Variants in DNMT3A observed in about 807,000 individuals in gnomAD.
The protein encoded by DNMT3A is DNA (cytosine-5)-methyltransferase 3A.
DNMT3A carries 267 observed loss-of-function variants against 117.6 expected under a neutral mutation model. The ratio of observed to expected loss-of-function variants is 2.27; its 90% CI spans 2.05 to 2.51. DNMT3A has a LOEUF of 2.51. Among genes scored for constraint, DNMT3A ranks in the 30% most tolerant of loss-of-function variants. DNMT3A has a pLI of 0.00. For synonymous variants in DNMT3A, 432 were observed against 474.8 expected (o/e 0.91, Z 1.17); for missense variants, 1,029 against 1,260.2 (o/e 0.82, Z 2.78).
intron 6 of DNMT3A, among the ~76,000 whole-genome samples, chr2:25,269,728 G>A (rs988125705): frequency 6.6e-6 from 1 of 152,164 alleles, no homozygotes; most frequent in African/African-American, 2.4e-5. Flanking sequence ...TGAAGGAACA[G>A]CAACAGGAGA....
At position 25,234,272 on chromosome 2, in the gene DNMT3A, A is replaced by G. The variant is rs1456487505; in HGVS notation, c.*7T>C. The G allele has an allele frequency of 1.9e-6, 3 of 1,607,368 alleles. No homozygotes were observed. Among genetic ancestry groups the G allele is most frequent in the Non-Finnish European group, 2.6e-6 (3 of 1,175,752 alleles). On this transcript the variant is annotated 3_prime_UTR_variant, in exon 23 of 23. Transcript: ENST00000321117. The surrounding 1 kb of genome is among the most constrained non-coding windows in gnomAD (Gnocchi z 4.5). ...TGTGTCGCTACCTCAGTTTGCCCCC[A>G]TGTCCCTTACACACACGCAAAATAC...
rs11681447 is a variant in DNMT3A, at chr2:25,249,915, C to T, written c.640-1663G>A. On this transcript the variant is annotated intron_variant, in intron 6 of 22. Coordinates refer to ENST00000321117, the MANE Select transcript of DNMT3A (RefSeq NM_022552.5). ...CCCCATGGGCCTAGAGCTGCGAATG[C>T]AAACCCATCCTCAAGGGTAAAGAGG... 0.68 allele frequency among the ~76,000 whole-genome samples: 103,083 copies of T among 152,012 alleles called. 35,917 individuals carry two copies. Among genetic ancestry groups the T allele is most frequent in the Non-Finnish European group, 0.75 (51,086 of 67,966 alleles).
In DNMT3A at chr2:25,232,328, C is replaced by T. The variant is rs1323911165; in HGVS notation, c.*1951G>A. ...AGCACCTGCCCGTCGGGCCCTCACC[C>T]TGGAGCCAACAATGCCATCCCTTCC... On this transcript the variant is annotated 3_prime_UTR_variant, in exon 23 of 23. Coordinates refer to ENST00000321117, the MANE Select transcript of DNMT3A (RefSeq NM_022552.5). This position sits in a 1 kb window ranked among gnomAD's most constrained non-coding sequence, Gnocchi z 4.1. 2 of 152,356 alleles carry T rather than the reference C, an allele frequency of 1.3e-5. No individual in the cohort carries two copies. Among genetic ancestry groups the T allele is most frequent in the African/African-American group, 2.4e-5 (1 of 41,444 alleles). 9.4% of individuals were successfully genotyped at this position (152,356 alleles called of 1,614,324 possible).
At chr2:25,284,708 G>T (rs1443119987) in intron 3 of DNMT3A, among the ~76,000 whole-genome samples, 1 of 113,352 alleles carries the variant, frequency 8.8e-6, no homozygotes, top group Non-Finnish European at 1.9e-5. Flanking sequence ...AATGCTAAAA[G>T]GTTAAAGCTC....
At chr2:25,342,204 G>A (rs997145079), upstream of DNMT3A, among the ~76,000 whole-genome samples, 1 of 145,788 alleles carries the variant, frequency 6.9e-6, no homozygotes, top group African/African-American at 2.5e-5. This position sits in a 1 kb window ranked among gnomAD's most constrained non-coding sequence, Gnocchi z 5.9. Flanking sequence ...GAGCGGCCTG[G>A]GCGCGCGGCC....
intron 22 of DNMT3A, among the ~76,000 whole-genome samples, chr2:25,235,213 ATC>A (rs973512227): frequency 2.7e-5 from 4 of 149,812 alleles, no homozygotes; most frequent in African/African-American, 9.9e-5. Flanking sequence ...TTGAGATGGA[ATC>A]TCTCTGTTGC....
intron 2 of DNMT3A, among the ~76,000 whole-genome samples, chr2:25,301,739 G>T (rs1404633749): frequency 1.3e-5 from 2 of 152,158 alleles, no homozygotes; most frequent in Admixed American, 6.5e-5. Context: ...GCCACAGGCT[G>T]CTCTTCATAC....
At chr2:25,243,635 C>T (rs936684663) in intron 16 of DNMT3A, among the ~76,000 whole-genome samples, 11 of 152,232 alleles carry the variant, frequency 7.2e-5, no homozygotes, top group African/African-American at 2.2e-4. Flanking sequence ...AATGATCACT[C>T]GGCCTCTGTG....
In DNMT3A at chr2:25,261,780, C is replaced by T. The variant is rs1267020988; in HGVS notation, c.639+13161G>A. ...CTCCCAGAAGTCCCATGTCCTTGTCCCTGCCCCTCCCTATCCTGGTCCTCT... is the reference window on the plus strand; with the variant it reads ...CTCCCAGAAGTCCCATGTCCTTGTCTCTGCCCCTCCCTATCCTGGTCCTCT... On this transcript the variant is annotated intron_variant, in intron 6 of 22. Transcript: ENST00000321117. Among the ~76,000 whole-genome samples the T allele has an allele frequency of 6.6e-5, 10 of 152,106 alleles. No individual in the cohort carries two copies. In the East Asian group the frequency reaches 1.9e-3, roughly 29 times the overall value.
intron 6 of DNMT3A, among the ~76,000 whole-genome samples, chr2:25,256,254 C>T (rs1160196293): frequency 1.3e-5 from 2 of 152,190 alleles, no homozygotes; most frequent in Non-Finnish European, 2.9e-5. Flanking sequence ...TCAGTCAACA[C>T]TCTGCGTGAC....
Position 25,248,190 on chromosome 2 carries a change from C to G in DNMT3A, c.702G>C (p.Gly234=). ...TGGCCTCCTCCACCTTCTGAGACTC[C>G]CCGGGCCCCTGGTTTTCTTCCACAG... is the stretch of plus-strand genomic sequence containing the variant. ...MNAVEENQGP[G]ESQKVEEASP... Residue 234 remains glycine (G), a synonymous_variant, in exon 7 of 23, where the codon GGG becomes GGC. Coordinates refer to ENST00000321117, the MANE Select transcript of DNMT3A (RefSeq NM_022552.5). 1 of 1,613,568 alleles carries G rather than the reference C, an allele frequency of 6.2e-7. No homozygotes were observed. Among genetic ancestry groups the G allele is most frequent in the Non-Finnish European group, 8.5e-7 (1 of 1,179,840 alleles).
intron 3 of DNMT3A, among the ~76,000 whole-genome samples, chr2:25,288,651 A>T (rs2032509448): frequency 1.3e-5 from 2 of 152,146 alleles, no homozygotes; most frequent in Admixed American, 1.3e-4. Flanking sequence ...GGGGTAAAAC[A>T]TACATAACAT....
rs2033568959 is a variant in DNMT3A at position 25,302,399 on chromosome 2, A to AC, written c.73-2157dup. On this transcript the variant is annotated intron_variant, in intron 2 of 22. Transcript: ENST00000321117. Reference sequence around the variant, plus strand: ...ACACGGCAGTGAGGGCTGGAGAAGGACCAAAGAGGGCAATTTAAGGAGCAC... The same window carrying AC: ...ACACGGCAGTGAGGGCTGGAGAAGGACCCAAAGAGGGCAATTTAAGGAGCAC... 2.6e-5 allele frequency among the ~76,000 whole-genome samples: 4 copies of AC among 152,314 alleles called. No individual in the cohort carries two copies. The South Asian group carries it at 8.3e-4, about 32-fold the overall frequency.
intron 16 of DNMT3A, among the ~76,000 whole-genome samples, chr2:25,242,618 C>G (rs192237306): frequency 6.6e-6 from 1 of 152,202 alleles, no homozygotes; most frequent in East Asian, 1.9e-4. Flanking sequence ...GCCATCCCCT[C>G]CGCCTCACCC....
intron 20 of DNMT3A, among the ~76,000 whole-genome samples, chr2:25,238,145 G>A (rs1673569962): frequency 6.6e-6 from 1 of 152,134 alleles, no homozygotes; most frequent in Non-Finnish European, 1.5e-5. Context: ...GACACTGAGT[G>A]GTTCCATGAA....
chr2:25,300,715 ATATATATATATATAT>A (rs2033424405), intron 2 of DNMT3A, among the ~76,000 whole-genome samples: 67 of 4,538 alleles, frequency 0.015, 3 homozygotes, highest in African/African-American at 0.036. Flanking sequence ...ATAATATAAT[ATATATATATATATAT>A]ATATATATAT....
intron 6 of DNMT3A, among the ~76,000 whole-genome samples, chr2:25,264,537 G>A: frequency 6.6e-6 from 1 of 151,350 alleles, no homozygotes; most frequent in Non-Finnish European, 1.5e-5. Context: ...GTGCGATCTC[G>A]GCTCACTGCA....
rs1028794308 is a variant in DNMT3A at position 25,281,434 on chromosome 2, T to C, written c.448+1007A>G. On this transcript the variant is annotated intron_variant, in intron 4 of 22. Transcript: ENST00000321117. The surrounding 1 kb of genome is among the most constrained non-coding windows in gnomAD (Gnocchi z 4.8). Reference sequence around the variant, plus strand: ...TCATACATATTTGTCGAATAATAAATGAATAAAAGCTTCTTAATAAGTTTG... The same window carrying C: ...TCATACATATTTGTCGAATAATAAACGAATAAAAGCTTCTTAATAAGTTTG... The C allele has an allele frequency of 6.7e-6, 7 of 1,037,158 alleles. No individual in the cohort carries two copies. Among genetic ancestry groups the C allele is most frequent in the Non-Finnish European group, 8.1e-6 (7 of 861,480 alleles). 64.2% of individuals were successfully genotyped at this position (1,037,158 alleles called of 1,614,324 possible). A position where few individuals can be genotyped will look rare whatever the true frequency, so the allele number is the denominator to read the frequency against.
chr2:25,328,769 G>A (rs1438638999), intron 1 of DNMT3A: 5 of 470,542 alleles, frequency 1.1e-5, no homozygotes, highest in Non-Finnish European at 2.2e-5. Flanking sequence ...TGCGTCAGTG[G>A]AAAGGCTGTT....
Sources: allele counts gnomAD v4.1 joint callset (sites outside exome capture counted in the v4.1 genomes callset), GRCh38; gene constraint gnomAD v4.1.1; non-coding constraint Gnocchi (gnomAD v3.1); transcripts MANE v1.5; gene names NCBI Gene and HGNC (gene_info 2026-07-23, HGNC 2026-07-21).